The following APBB2 variants were observed in gnomAD, a reference collection of about 807,000 sequenced individuals.
APBB2 encodes the protein amyloid beta precursor protein binding family B member 2.
In APBB2, 38 loss-of-function variants were observed where a neutral mutation model predicts 82.5. The ratio of observed to expected loss-of-function variants is 0.46; its 90% confidence interval spans 0.36 to 0.60. The LOEUF (loss-of-function observed/expected upper bound fraction) is 0.60. Among genes scored for constraint, APBB2 ranks in the 20% least tolerant of loss-of-function variants. APBB2 has a pLI of 0.00. For missense variants in APBB2, 772 were observed against 972.3 expected (o/e 0.79, Z 2.74); for synonymous variants, 341 against 368.2 (o/e 0.93, Z 0.85).
chr4:41,086,821 C>T (rs1739866406), intron 3 of APBB2, among the ~76,000 whole-genome samples: 1 of 151,754 alleles, frequency 6.6e-6, no homozygotes, highest in African/African-American at 2.4e-5. Flanking sequence ...GCCAGAGCAA[C>T]TTGGCTAAAA....
At chr4:40,989,047 C>T (rs1335855979) in intron 6 of APBB2, among the ~76,000 whole-genome samples, 2 of 152,168 alleles carry the variant, frequency 1.3e-5, no homozygotes, top group Non-Finnish European at 2.9e-5. Flanking sequence ...GTGTGAGCCA[C>T]TGCGCCTGGC....
chr4:40,846,604 T>A (rs917239742), intron 12 of APBB2, among the ~76,000 whole-genome samples: 6 of 152,206 alleles, frequency 3.9e-5, no homozygotes, highest in Non-Finnish European at 7.3e-5. Flanking sequence ...TCTGACCAAG[T>A]GTGCCTTCCT....
At chr4:40,915,183 TC>T (rs36000680) in intron 10 of APBB2, among the ~76,000 whole-genome samples, 1 of 152,046 alleles carries the variant, frequency 6.6e-6, no homozygotes, top group African/African-American at 2.4e-5. Flanking sequence ...CACCATGGGC[TC>T]CCCCCACCCT....
intron 12 of APBB2, chr4:40,881,534 CTTTT>C (rs71198611): frequency 2.2e-4 from 32 of 145,850 alleles, no homozygotes; most frequent in Non-Finnish European, 3.7e-4. Flanking sequence ...TTTTCTTTTT[CTTTT>C]TTTTTTTTTT....
intron 3 of APBB2, among the ~76,000 whole-genome samples, chr4:41,097,688 T>C (rs1009307759): frequency 1.3e-5 from 2 of 152,210 alleles, no homozygotes; most frequent in Admixed American, 1.3e-4. Flanking sequence ...GCTAATTTTT[T>C]TGAAGGTACG....
chr4:40,903,757 C>T (rs925518674), intron 10 of APBB2, among the ~76,000 whole-genome samples: 5 of 152,144 alleles, frequency 3.3e-5, no homozygotes, highest in African/African-American at 1.2e-4. Flanking sequence ...ATATGGGATT[C>T]CAGCCTGTCT....
chr4:40,873,436 C>A (rs550620672), intron 12 of APBB2, among the ~76,000 whole-genome samples: 1 of 152,150 alleles, frequency 6.6e-6, no homozygotes, highest in African/African-American at 2.4e-5. Context: ...GCTTCTCTTA[C>A]GTCAATGAAG....
chr4:41,146,103 A>G (rs1481952815), intron 1 of APBB2, among the ~76,000 whole-genome samples: 2 of 152,178 alleles, frequency 1.3e-5, no homozygotes, highest in African/African-American at 4.8e-5. Context: ...AAGCAGGCAG[A>G]TAACTTGAGG....
chr4:41,000,873 G>A (rs76966403), intron 6 of APBB2, among the ~76,000 whole-genome samples: 1 of 152,080 alleles, frequency 6.6e-6, no homozygotes, highest in Admixed American at 6.6e-5. Flanking sequence ...AAAAAAAAAG[G>A]AGACAGAGAG....
At chr4:40,857,732 A>G (rs1464627164) in intron 12 of APBB2, among the ~76,000 whole-genome samples, 1 of 145,892 alleles carries the variant, frequency 6.9e-6, no homozygotes, top group Non-Finnish European at 1.5e-5. Context: ...GGCCTCCCAA[A>G]GTGCTGGGAT....
chr4:41,196,804 A>G, intron 1 of APBB2, among the ~76,000 whole-genome samples: 1 of 152,118 alleles, frequency 6.6e-6, no homozygotes, highest in East Asian at 1.9e-4. Context: ...TTCAAAAATA[A>G]AAATAAAACT....
rs190415143 is a variant in APBB2 at position 40,812,790 on chromosome 4, G to T, written c.*3302C>A. On this transcript the variant is annotated 3_prime_UTR_variant, in exon 18 of 18. Transcript: ENST00000508593. ...TAGCAGTGCCACAGTTTATCACCAA[G>T]AACTTATTTTAATGGAAATGGGTCT... The T allele has an allele frequency of 1.3e-5, 2 of 152,200 alleles. No individual in the cohort carries two copies. The highest frequency in any genetic ancestry group is 6.5e-5 in the Admixed American group (1 of 15,284). The allele number at this position is 152,200 out of a possible 1,614,324, so 9.4% of individuals were successfully genotyped here. A position where few individuals can be genotyped will look rare whatever the true frequency, so the allele number is the denominator to read the frequency against.
rs1386389411 is a variant in APBB2 at position 40,832,011 on chromosome 4, T to TAC, written c.1530-1435_1530-1434insGT. 8.1e-5 allele frequency among the ~76,000 whole-genome samples: 4 copies of TAC among 49,526 alleles called. No individual in the cohort carries two copies. Among genetic ancestry groups the TAC allele is most frequent in the Non-Finnish European group, 1.1e-4 (2 of 17,756 alleles). 32.5% of individuals were successfully genotyped at this position (49,526 alleles called of 152,430 possible). ...ACACACATATTTATATATTTATTTA[T>TAC]ATACACACACACACACACACACACA... On this transcript the variant is annotated intron_variant, in intron 12 of 17. Coordinates refer to ENST00000508593, the MANE Select transcript of APBB2 (RefSeq NM_004307.2). The surrounding 1 kb of genome is among the most constrained non-coding windows in gnomAD (Gnocchi z 4.8).
At chr4:41,125,663 T>C (rs1754164992) in intron 2 of APBB2, among the ~76,000 whole-genome samples, 1 of 152,372 alleles carries the variant, frequency 6.6e-6, no homozygotes, top group Non-Finnish European at 1.5e-5. Context: ...AGTGCTCTGC[T>C]GCTTGGAAAA....
chr4:41,013,779 T>C lies in APBB2; in HGVS notation c.639A>G (p.Arg213=), dbSNP rs182442220. 5.7e-4 allele frequency: 919 copies of C among 1,613,904 alleles called. 1 individual carries two copies. The highest frequency in any genetic ancestry group is 3.6e-3 in the Middle Eastern group (22 of 6,062). The change falls in exon 6 of 18, where the codon AGA becomes AGG. Residue 213 remains arginine (R), a synonymous_variant. Coordinates refer to ENST00000508593, the MANE Select transcript of APBB2 (RefSeq NM_004307.2). ...NGDLLLQKPN[R]PQSSPEDGQV... Reference sequence around the variant, plus strand: ...GGCCGTCTTCAGGGCTGGACTGGGGTCTGTTTGGTTTCTGCAGCAGCAAAT... The same window carrying C: ...GGCCGTCTTCAGGGCTGGACTGGGGCCTGTTTGGTTTCTGCAGCAGCAAAT...
chr4:40,881,475 A>G, intron 12 of APBB2: 1 of 579,748 alleles, frequency 1.7e-6, no homozygotes, highest in Non-Finnish European at 2.2e-6. Context: ...TAGCTCAAAA[A>G]CAAAAGAGAC....
At chr4:41,159,961 G>GAAGAAGAAGAAGAAGAAGAAGA (rs1560913423) in intron 1 of APBB2, among the ~76,000 whole-genome samples, 2 of 31,988 alleles carry the variant, frequency 6.3e-5, no homozygotes, top group African/African-American at 1.0e-4. Flanking sequence ...GAAGGAGAAG[G>GAAGAAGAAGAAGAAGAAGAAGA]AGAAGAAGAA....
chr4:41,038,237 G>C (rs923473449), intron 4 of APBB2, among the ~76,000 whole-genome samples: 1 of 114,798 alleles, frequency 8.7e-6, no homozygotes, highest in Non-Finnish European at 2.0e-5. Context: ...TAAATAAATA[G>C]ATAAATAAAT....
At chr4:41,188,897 T>C (rs1773670092) in intron 1 of APBB2, among the ~76,000 whole-genome samples, 1 of 151,998 alleles carries the variant, frequency 6.6e-6, no homozygotes, top group Non-Finnish European at 1.5e-5. Flanking sequence ...TAGGTGACAG[T>C]GAGACCCCGT....
Sources: allele counts gnomAD v4.1 joint callset (sites outside exome capture counted in the v4.1 genomes callset), GRCh38; gene constraint gnomAD v4.1.1; non-coding constraint Gnocchi (gnomAD v3.1); transcripts MANE v1.5; gene names NCBI Gene and HGNC (gene_info 2026-07-23, HGNC 2026-07-21).